Variants in KIF17 observed in about 807,000 individuals in gnomAD.
KIF17 encodes the protein kinesin-like protein KIF17.
In KIF17, 80 loss-of-function variants were observed where a neutral mutation model predicts 96.8. The ratio of observed to expected loss-of-function variants is 0.83; its 90% CI spans 0.69 to 1.00. The LOEUF (loss-of-function observed/expected upper bound fraction) is 1.00. Among genes scored for constraint, KIF17 ranks in the 50% least tolerant of loss-of-function variants. The probability of loss-of-function intolerance (pLI) is 0.00; values close to 1 mark genes in which losing one functional copy is unlikely to be tolerated. For missense variants in KIF17, 1,280 were observed against 1,372.9 expected (o/e 0.93, Z 1.07); for synonymous variants, 567 against 587.5 (o/e 0.97, Z 0.51).
intron 5 of KIF17, among the ~76,000 whole-genome samples, chr1:20,703,875 G>A (rs1041165298): frequency 6.6e-5 from 10 of 151,828 alleles, no homozygotes; most frequent in African/African-American, 2.4e-4. Flanking sequence ...AGGTTGCAAT[G>A]AGCCGAGATC....
Position 20,664,399 on chromosome 1 carries a change from TC to T in KIF17, c.*184del. 6.7e-7 allele frequency: 1 copy of T among 1,496,436 alleles called. No individual in the cohort carries two copies. The highest frequency in any genetic ancestry group is 8.9e-7 in the Non-Finnish European group (1 of 1,126,924). 92.7% of individuals were successfully genotyped at this position (1,496,436 alleles called of 1,614,324 possible). On this transcript the variant is annotated 3_prime_UTR_variant, in exon 15 of 15. Transcript: ENST00000400463. ...GAGGACTATACAGCCTCCGAGGGGC[TC>T]CTGCCCAGGGCGGAGGTGGGCTCTC...
chr1:20,702,551 G>A (rs2054255496), intron 5 of KIF17, among the ~76,000 whole-genome samples: 2 of 151,994 alleles, frequency 1.3e-5, no homozygotes, highest in Non-Finnish European at 2.9e-5. Context: ...CCTTGCAATG[G>A]TGTTCAAGGC....
chr1:20,708,616 G>A (rs2054383612), intron 4 of KIF17, among the ~76,000 whole-genome samples: 2 of 152,296 alleles, frequency 1.3e-5, no homozygotes, highest in South Asian at 4.1e-4. Context: ...CAGACATCAC[G>A]GAGACCCGGG....
chr1:20,717,534 T>G lies in KIF17; in HGVS notation c.173A>C (p.Tyr58Ser). Residue 58 changes from tyrosine (Y) to serine (S), a missense_variant, in exon 1 of 15, where the codon TAC (tyrosine) becomes TCC (serine). Tyr to Ser is a moderately radical substitution (Grantham distance 144). Coordinates refer to ENST00000400463, the MANE Select transcript of KIF17 (RefSeq NM_001122819.3). ...PPKQFTFDGA[Y>S]HVDHVTEQIY... ...CTGCTCGGTGACGTGGTCCACGTGGTAGGCGCCGTCGAAGGTGAACTGCTT... is the reference window on the plus strand; with the variant it reads ...CTGCTCGGTGACGTGGTCCACGTGGGAGGCGCCGTCGAAGGTGAACTGCTT... 6.8e-6 allele frequency: 11 copies of G among 1,611,546 alleles called. No individual in the cohort carries two copies. Among genetic ancestry groups the G allele is most frequent in the Non-Finnish European group, 8.5e-6 (10 of 1,179,486 alleles).
chr1:20,701,039 T>G (rs566693375), intron 5 of KIF17, among the ~76,000 whole-genome samples: 43 of 152,256 alleles, frequency 2.8e-4, no homozygotes, highest in African/African-American at 8.7e-4. Flanking sequence ...CTTCCCCATG[T>G]GTGTGTGCCT....
chr1:20,707,787 A>ATGTGTG (rs3077930), intron 4 of KIF17, among the ~76,000 whole-genome samples: 1,588 of 124,520 alleles, frequency 0.013, 26 homozygotes, highest in East Asian at 0.042. Flanking sequence ...ACCAATGTGT[A>ATGTGTG]TGTGTGTGTG....
intron 3 of KIF17, among the ~76,000 whole-genome samples, chr1:20,712,724 T>TA (rs1557606675): frequency 4.3e-4 from 11 of 25,750 alleles, no homozygotes; most frequent in East Asian, 2.7e-3. Flanking sequence ...TAAAATTATA[T>TA]TATATCTATA....
intron 5 of KIF17, among the ~76,000 whole-genome samples, chr1:20,698,876 G>A (rs1326758538): frequency 1.3e-5 from 2 of 152,168 alleles, no homozygotes; most frequent in Admixed American, 6.5e-5. Flanking sequence ...GTTACAAGGC[G>A]ATGTGTACTG....
rs930165823 is a variant in KIF17 at position 20,704,166 on chromosome 1, G to A, written c.1123+281C>T. On this transcript the variant is annotated intron_variant, in intron 5 of 14. Transcript: ENST00000400463. The surrounding 1 kb of genome is among the most constrained non-coding windows in gnomAD (Gnocchi z 6.8). ...GGGGGTGTGGTGGGGGGTGTGGTGGGGGTGGGGGGGATAATGGATGAGCAG... is the reference window on the plus strand; with the variant it reads ...GGGGGTGTGGTGGGGGGTGTGGTGGAGGTGGGGGGGATAATGGATGAGCAG... Among the ~76,000 whole-genome samples the A allele has an allele frequency of 6.6e-6, 1 of 151,136 alleles. No individual in the cohort carries two copies. Among genetic ancestry groups the A allele is most frequent in the African/African-American group, 2.4e-5 (1 of 41,164 alleles).
chr1:20,665,142 A>C, intron 14 of KIF17, among the ~76,000 whole-genome samples: 3 of 139,984 alleles, frequency 2.1e-5, no homozygotes, highest in African/African-American at 5.5e-5. Context: ...AATGCCAGGC[A>C]CTCAATTAAT....
At position 20,682,857 on chromosome 1, in the gene KIF17, C is replaced by T. The variant is rs753967263; in HGVS notation, c.2259G>A (p.Val753=). 6.2e-7 allele frequency: 1 copy of T among 1,611,726 alleles called. No homozygotes were observed. Among genetic ancestry groups the T allele is most frequent in the Non-Finnish European group, 8.5e-7 (1 of 1,179,952 alleles). The change falls in exon 11 of 15, where the codon GTG becomes GTA. Residue 753 remains valine, a synonymous_variant. Coordinates refer to ENST00000400463, the MANE Select transcript of KIF17 (RefSeq NM_001122819.3). ...CCTTGTTCTTGGCCTGCTCTCCACC[C>T]ACAACCTGCTGCTCCAACAGCTGCA... is the stretch of plus-strand genomic sequence containing the variant. The part of the protein sequence containing the change: ...ARLQLLEQQV[V]GGEQAKNKDL...
At position 20,687,761 on chromosome 1, in the gene KIF17, G is replaced by A. The variant is rs760306635; in HGVS notation, c.1565C>T (p.Ala522Val). ...GGAGGGTTCCACCTTGGGCAGCTCC[G>A]CAAACCTGGAGGAAACCTGAGTCTT... The part of the protein sequence containing the change: ...VSKTQVSSRF[A>V]ELPKVEPSKS... Residue 522 changes from alanine (A) to valine (V), a missense_variant, in exon 8 of 15, where the codon GCG (alanine) becomes GTG (valine). Ala to Val is a moderately conservative substitution (Grantham distance 64, BLOSUM62 0). Coordinates refer to ENST00000400463, the MANE Select transcript of KIF17 (RefSeq NM_001122819.3). The surrounding 1 kb of genome is among the most constrained non-coding windows in gnomAD (Gnocchi z 4.4). 51 of 1,614,056 alleles carry A rather than the reference G, an allele frequency of 3.2e-5. No homozygotes were observed. Among genetic ancestry groups the A allele is most frequent in the African/African-American group, 1.3e-4 (10 of 74,938 alleles).
At chr1:20,663,860 G>A (rs2053477739), downstream of KIF17, among the ~76,000 whole-genome samples, 4 of 152,346 alleles carry the variant, frequency 2.6e-5, no homozygotes, top group South Asian at 4.1e-4. Context: ...GCTCTTCCCA[G>A]AAGAATGTAC....
chr1:20,703,726 C>T (rs926734863), intron 5 of KIF17, among the ~76,000 whole-genome samples: 5 of 151,768 alleles, frequency 3.3e-5, no homozygotes, highest in African/African-American at 7.3e-5. Context: ...AAGGTGGGTG[C>T]GAGGGGGATG....
chr1:20,715,694 C>T (rs747011812), intron 1 of KIF17, 55 bp from the exon 2 acceptor site: 10 of 1,605,716 alleles, frequency 6.2e-6, no homozygotes, highest in African/African-American at 4.1e-5. Context: ...CAGCAGGGCT[C>T]GGGACAGGGC....
intron 11 of KIF17, among the ~76,000 whole-genome samples, chr1:20,679,262 G>A (rs190830693): frequency 1.3e-4 from 20 of 152,214 alleles, no homozygotes; most frequent in African/African-American, 4.6e-4. Context: ...AAGACCCCCA[G>A]GAGTTTGAGA....
intron 7 of KIF17, among the ~76,000 whole-genome samples, chr1:20,689,487 C>A (rs2054001123): frequency 6.6e-6 from 1 of 152,092 alleles, no homozygotes; most frequent in Non-Finnish European, 1.5e-5. Flanking sequence ...CCCGTCTCTA[C>A]TGAAAACACA....
chr1:20,692,660 T>TG (rs1410766480), intron 6 of KIF17: 2 of 152,212 alleles, frequency 1.3e-5, no homozygotes, highest in Non-Finnish European at 2.9e-5. Context: ...TCTGTGTGTG[T>TG]GCTCATGAAT....
chr1:20,684,024 G>C (rs1424640288), intron 10 of KIF17, among the ~76,000 whole-genome samples: 2 of 152,232 alleles, frequency 1.3e-5, no homozygotes, highest in Non-Finnish European at 1.5e-5. Flanking sequence ...TGCCCATTTT[G>C]ACCCTCACCA....
Sources: allele counts gnomAD v4.1 joint callset (sites outside exome capture counted in the v4.1 genomes callset), GRCh38; gene constraint gnomAD v4.1.1; non-coding constraint Gnocchi (gnomAD v3.1); transcripts MANE v1.5; gene names NCBI Gene and HGNC (gene_info 2026-07-23, HGNC 2026-07-21).